Variants in PACRG observed in about 807,000 individuals in gnomAD.
PACRG encodes the protein parkin coregulated gene protein.
In PACRG, 29 loss-of-function variants were observed where a neutral mutation model predicts 29.7. The observed-to-expected ratio is 0.98, with a 90% CI of 0.73 to 1.33. The LOEUF (loss-of-function observed/expected upper bound fraction) is 1.33. PACRG is among the 40% of genes most tolerant of loss of function. The pLI is 0.00. For synonymous variants in PACRG, 116 were observed against 118.7 expected, an observed-to-expected ratio of 0.98 and a Z score of 0.15; for missense variants, 279 against 316.2, an observed-to-expected ratio of 0.88 and a Z score of 0.89.
chr6:163,265,180 T>C (rs2128176953), intron 4 of PACRG, among the ~76,000 whole-genome samples: 1 of 152,300 alleles, frequency 6.6e-6, no homozygotes, highest in Non-Finnish European at 1.5e-5. Flanking sequence ...TAGTATGTTG[T>C]AGATAATTTC....
chr6:163,313,268 T>G (rs902283190), intron 4 of PACRG, among the ~76,000 whole-genome samples: 1 of 152,152 alleles, frequency 6.6e-6, no homozygotes, highest in Non-Finnish European at 1.5e-5. Flanking sequence ...GGTCATTTAT[T>G]ATGAATAAAT....
At chr6:162,786,993 G>T (rs774620363) in intron 1 of PACRG, among the ~76,000 whole-genome samples, 13 of 152,124 alleles carry the variant, frequency 8.5e-5, no homozygotes, top group Non-Finnish European at 1.6e-4. Flanking sequence ...TTATACGAAA[G>T]AGTAGCAGTT....
At chr6:162,837,326 C>T (rs2128402171) in intron 2 of PACRG, among the ~76,000 whole-genome samples, 1 of 152,232 alleles carries the variant, frequency 6.6e-6, no homozygotes, top group East Asian at 1.9e-4. Context: ...TTTGGGTTGT[C>T]ACCAGCATGC....
intron 1 of PACRG, among the ~76,000 whole-genome samples, chr6:162,769,488 A>G (rs1053737232): frequency 6.6e-6 from 1 of 152,130 alleles, no homozygotes; most frequent in Non-Finnish European, 1.5e-5. Context: ...AGTCTTAGGC[A>G]TAGGGCTCAG....
intron 2 of PACRG, among the ~76,000 whole-genome samples, chr6:162,824,225 T>G (rs2128381357): frequency 6.6e-6 from 1 of 152,250 alleles, no homozygotes; most frequent in East Asian, 1.9e-4. Flanking sequence ...TGCTTTGTCT[T>G]GAAAGGCAAC....
intron 4 of PACRG, among the ~76,000 whole-genome samples, chr6:163,284,677 G>T (rs548368830): frequency 6.6e-6 from 1 of 152,036 alleles, no homozygotes; most frequent in Admixed American, 6.6e-5. Flanking sequence ...TTTGAGTTCT[G>T]GATGTCCAGA....
At chr6:162,747,355 T>TAC in intron 1 of PACRG, among the ~76,000 whole-genome samples, 1 of 73,690 alleles carries the variant, frequency 1.4e-5, no homozygotes, top group Non-Finnish European at 2.3e-5. Context: ...TATATATATA[T>TAC]ATATATATAC....
upstream of PACRG, chr6:162,727,734 C>T (rs1461817197): frequency 2.6e-6 from 4 of 1,511,766 alleles, no homozygotes; most frequent in East Asian, 7.4e-5. Context: ...GCCAGCCGCG[C>T]CTCCCACCAG....
At chr6:163,274,115 T>G (rs1323744974) in intron 4 of PACRG, among the ~76,000 whole-genome samples, 2 of 152,156 alleles carry the variant, frequency 1.3e-5, no homozygotes, top group East Asian at 3.9e-4. Context: ...TGTGCCATGT[T>G]GGTGTGCTGC....
At chr6:162,735,634 A>G (rs1004817574) in intron 1 of PACRG, among the ~76,000 whole-genome samples, 1 of 152,112 alleles carries the variant, frequency 6.6e-6, no homozygotes, top group African/African-American at 2.4e-5. Flanking sequence ...TCTATATTCT[A>G]AATGATATGA....
At chr6:162,834,517 G>A (rs113811777) in intron 2 of PACRG, among the ~76,000 whole-genome samples, 9 of 151,888 alleles carry the variant, frequency 5.9e-5, no homozygotes, top group African/African-American at 1.5e-4. Context: ...GCACATGTAC[G>A]TGTGTATTTT....
intron 2 of PACRG, among the ~76,000 whole-genome samples, chr6:162,916,964 C>G (rs946156685): frequency 2.0e-5 from 3 of 152,088 alleles, no homozygotes; most frequent in Non-Finnish European, 2.9e-5. Context: ...TTCTTCTCCC[C>G]AGACTGTCCG....
chr6:162,878,911 T>C (rs1163076474), intron 2 of PACRG, among the ~76,000 whole-genome samples: 2 of 152,212 alleles, frequency 1.3e-5, no homozygotes, highest in African/African-American at 4.8e-5. Flanking sequence ...CTTCTAGAAA[T>C]ATTATTGCTA....
intron 2 of PACRG, among the ~76,000 whole-genome samples, chr6:163,006,509 C>T (rs11962083): frequency 0.036 from 5,392 of 151,444 alleles, 308 homozygotes; most frequent in African/African-American, 0.12. Context: ...TTTTTGTATA[C>T]TTGTTCTATC....
intron 4 of PACRG, among the ~76,000 whole-genome samples, chr6:163,209,538 T>C (rs1781051284): frequency 6.6e-6 from 1 of 152,224 alleles, no homozygotes; most frequent in Non-Finnish European, 1.5e-5. Context: ...GCTACAGGGA[T>C]TGCCTAATTT....
intron 4 of PACRG, among the ~76,000 whole-genome samples, chr6:163,211,698 C>T (rs930305692): frequency 2.6e-5 from 4 of 152,126 alleles, no homozygotes; most frequent in Non-Finnish European, 4.4e-5. Context: ...TCGTTCCTCC[C>T]CCTATAAGAG....
At chr6:163,033,562 T>C (rs1024986640) in intron 2 of PACRG, among the ~76,000 whole-genome samples, 1 of 152,240 alleles carries the variant, frequency 6.6e-6, no homozygotes, top group Non-Finnish European at 1.5e-5. Flanking sequence ...GCATTACACT[T>C]TTTACTTTTC....
chr6:163,016,748 T>C (rs1806149329), intron 2 of PACRG, among the ~76,000 whole-genome samples: 1 of 152,106 alleles, frequency 6.6e-6, no homozygotes, highest in South Asian at 2.1e-4. Context: ...GTCATTGAAC[T>C]CTACAGTAGT....
intron 1 of PACRG, among the ~76,000 whole-genome samples, chr6:162,749,482 A>C (rs1048670027): frequency 2.6e-5 from 4 of 152,180 alleles, no homozygotes; most frequent in African/African-American, 9.7e-5. Context: ...TATTACATGA[A>C]GATCATTCTC....
Sources: gnomAD v4.1 joint callset for allele counts (sites outside exome capture counted in the v4.1 genomes callset) on GRCh38, gnomAD v4.1.1 for gene constraint, MANE v1.5 for transcripts, NCBI Gene and HGNC (gene_info 2026-07-23, HGNC 2026-07-21) for gene names.